The following UNC5D variants were observed in gnomAD, a reference collection of about 807,000 sequenced individuals.
The protein encoded by UNC5D is unc-5 netrin receptor D, also known as netrin receptor UNC5D.
UNC5D carries 39 observed loss-of-function variants against 105.4 expected under a neutral mutation model. The observed-to-expected ratio is 0.37, with a 90% CI of 0.29 to 0.48. UNC5D has a LOEUF of 0.48. Among genes scored for constraint, UNC5D ranks in the 20% least tolerant of loss-of-function variants. The pLI, the probability that UNC5D is intolerant of heterozygous loss-of-function variation, is 0.98. For missense variants in UNC5D, 991 were observed against 1,202.4 expected (o/e 0.82, Z 2.60); for synonymous variants, 452 against 450.4 (o/e 1.00, Z -0.04).
chr8:35,692,673 C>A (rs1239587486), intron 7 of UNC5D, among the ~76,000 whole-genome samples: 1 of 152,154 alleles, frequency 6.6e-6, no homozygotes, highest in African/African-American at 2.4e-5. Flanking sequence ...AGCCACACTG[C>A]ACAATTGCTT....
At chr8:35,588,291 G>T (rs962068930) in intron 3 of UNC5D, among the ~76,000 whole-genome samples, 9 of 152,012 alleles carry the variant, frequency 5.9e-5, no homozygotes, top group African/African-American at 2.2e-4. Flanking sequence ...AGCTAGGCAA[G>T]CATTTTGCAG....
intron 4 of UNC5D, among the ~76,000 whole-genome samples, chr8:35,677,993 T>C (rs1825383258): frequency 6.6e-6 from 1 of 151,860 alleles, no homozygotes; most frequent in Non-Finnish European, 1.5e-5. Context: ...TGTGTGTGTA[T>C]AGATAGATAC....
intron 3 of UNC5D, among the ~76,000 whole-genome samples, chr8:35,571,038 G>A (rs529776025): frequency 6.6e-6 from 1 of 151,984 alleles, no homozygotes; most frequent in African/African-American, 2.4e-5. Context: ...TAGAGAGAGA[G>A]AAATGGGGTT....
chr8:35,376,106 T>C (rs1182008821), intron 1 of UNC5D, among the ~76,000 whole-genome samples: 1 of 152,216 alleles, frequency 6.6e-6, no homozygotes, highest in East Asian at 1.9e-4. Context: ...ATTGGAGTTA[T>C]CAAAACGAAT....
At chr8:35,729,520 T>C (rs959445919) in intron 10 of UNC5D, among the ~76,000 whole-genome samples, 2 of 152,230 alleles carry the variant, frequency 1.3e-5, no homozygotes, top group Non-Finnish European at 2.9e-5. Context: ...CGTAATGACC[T>C]AGACAGCCTG....
chr8:35,554,624 C>T (rs773842591), intron 2 of UNC5D, among the ~76,000 whole-genome samples: 6 of 152,168 alleles, frequency 3.9e-5, no homozygotes, highest in Non-Finnish European at 8.8e-5. Flanking sequence ...CAACCACAAA[C>T]CAAACATATC....
At chr8:35,544,957 G>A (rs556642936) in intron 1 of UNC5D, among the ~76,000 whole-genome samples, 2 of 152,194 alleles carry the variant, frequency 1.3e-5, no homozygotes, top group African/African-American at 2.4e-5. Context: ...TTCTGTTTAC[G>A]ACTCATGTGC....
At chr8:35,585,544 G>A (rs1172599505) in intron 3 of UNC5D, among the ~76,000 whole-genome samples, 7 of 151,930 alleles carry the variant, frequency 4.6e-5, no homozygotes, top group Non-Finnish European at 1.0e-4. Flanking sequence ...GTGTGTGTGT[G>A]TGTGTGTGTA....
chr8:35,264,851 G>A (rs1296418937), intron 1 of UNC5D, among the ~76,000 whole-genome samples: 3 of 152,146 alleles, frequency 2.0e-5, no homozygotes, highest in African/African-American at 7.2e-5. Flanking sequence ...CCTGAGATGT[G>A]TTAAGAGTAG....
intron 1 of UNC5D, among the ~76,000 whole-genome samples, chr8:35,427,031 A>G (rs903553767): frequency 2.6e-5 from 4 of 152,200 alleles, no homozygotes; most frequent in South Asian, 2.1e-4. Context: ...ACTTGGCTCT[A>G]CTAAAGGTAA....
chr8:35,354,313 A>G (rs1023532058), intron 1 of UNC5D, among the ~76,000 whole-genome samples: 4 of 152,070 alleles, frequency 2.6e-5, no homozygotes, highest in Non-Finnish European at 5.9e-5. Context: ...CAAAGCAGAG[A>G]CAAATATGAG....
chr8:35,449,901 C>G (rs1468599259), intron 1 of UNC5D, among the ~76,000 whole-genome samples: 2 of 152,170 alleles, frequency 1.3e-5, no homozygotes, highest in Admixed American at 6.6e-5. Flanking sequence ...ATCCATTCAG[C>G]ATGACCTACC....
intron 1 of UNC5D, among the ~76,000 whole-genome samples, chr8:35,344,109 A>G (rs954307169): frequency 1.3e-5 from 2 of 152,048 alleles, no homozygotes; most frequent in African/African-American, 2.4e-5. Context: ...GGAAAAGACA[A>G]TTCTGGGTTG....
chr8:35,781,461 G>T (rs912373787), intron 16 of UNC5D, among the ~76,000 whole-genome samples: 2 of 152,128 alleles, frequency 1.3e-5, no homozygotes, highest in Non-Finnish European at 2.9e-5. Context: ...GGTTTTGAAG[G>T]AATAGATTTC....
At chr8:35,441,264 C>T (rs1487639025) in intron 1 of UNC5D, among the ~76,000 whole-genome samples, 1 of 151,852 alleles carries the variant, frequency 6.6e-6, no homozygotes, top group Non-Finnish European at 1.5e-5. Context: ...CAACTGCAGT[C>T]CAAAAATAGG....
intron 1 of UNC5D, among the ~76,000 whole-genome samples, chr8:35,517,796 T>C (rs1055129886): frequency 6.6e-6 from 1 of 152,180 alleles, no homozygotes; most frequent in African/African-American, 2.4e-5. Context: ...AATTTATTTC[T>C]TGTAGTTCTG....
Position 35,305,575 on chromosome 8 carries a change from CTTTTTCTTTCTT to C in UNC5D, c.103+69690_103+69701del, listed in dbSNP as rs1443149687. Among the ~76,000 whole-genome samples, 58 of 97,508 alleles carry C rather than the reference CTTTTTCTTTCTT, an allele frequency of 5.9e-4. 1 individual carries two copies. The highest frequency in any genetic ancestry group is 2.7e-3 in the African/African-American group (52 of 19,530). The allele number at this position is 97,508 out of a possible 152,430, so 64.0% of individuals were successfully genotyped here. On this transcript the variant is annotated intron_variant, in intron 1 of 16. Coordinates refer to ENST00000404895, the MANE Select transcript of UNC5D (RefSeq NM_080872.4). ...CTTCTCTTCCTTCCTTTCTTTCTTT[CTTTTTCTTTCTT>C]TCTTTCTTTCTTTCTTTCTTTCTTT...
intron 14 of UNC5D, among the ~76,000 whole-genome samples, chr8:35,760,674 A>G (rs1801485533): frequency 6.6e-6 from 1 of 152,146 alleles, no homozygotes; most frequent in African/African-American, 2.4e-5. Context: ...GCGGACTCAC[A>G]TTGACCTGGA....
intron 1 of UNC5D, among the ~76,000 whole-genome samples, chr8:35,399,145 CAAAAAAA>C (rs1029547730): frequency 5.5e-5 from 3 of 54,702 alleles, no homozygotes; most frequent in African/African-American, 2.1e-4. Flanking sequence ...ACTCCATCTC[CAAAAAAA>C]AAAAAAAAAA....
Sources: gnomAD v4.1 joint callset for allele counts (sites outside exome capture counted in the v4.1 genomes callset) on GRCh38, gnomAD v4.1.1 for gene constraint, MANE v1.5 for transcripts, NCBI Gene and HGNC (gene_info 2026-07-23, HGNC 2026-07-21) for gene names.